The following SLC4A4 variants were observed in gnomAD, a reference collection of about 807,000 sequenced individuals.
SLC4A4 encodes the protein solute carrier family 4 member 4.
Under a neutral mutation model 111.5 loss-of-function variants are expected in SLC4A4, and 27 were observed. The ratio of observed to expected loss-of-function variants is 0.24; its 90% CI spans 0.18 to 0.33. The LOEUF is 0.33. SLC4A4 is among the 10% of genes least tolerant of loss of function. The pLI, the probability that SLC4A4 is intolerant of heterozygous loss-of-function variation, is 1.00. For missense variants in SLC4A4, 909 were observed against 1,315.5 expected (o/e 0.69, Z 4.78); for synonymous variants, 443 against 463.4 (o/e 0.96, Z 0.57).
At position 71,153,033 on chromosome 4, in the gene SLC4A4, G is replaced by GTGTATATATATATA. The variant is rs386400441; in HGVS notation, c.-2+60242_-2+60243insGTATATATATATAT. Among the ~76,000 whole-genome samples, 5 of 132,726 alleles carry GTGTATATATATATA rather than the reference G, an allele frequency of 3.8e-5. No homozygotes were observed. In the South Asian group the frequency reaches 9.5e-4, roughly 25 times the overall value. 87.1% of individuals were successfully genotyped at this position (132,726 alleles called of 152,430 possible). A position where few individuals can be genotyped will look rare whatever the true frequency, so the allele number is the denominator to read the frequency against. The stretch of plus-strand genomic sequence containing the variant: ...TGTATATATATAAATATATGTGTGT[G>GTGTATATATATATA]TATATATATATATATATATAAAAAT... On this transcript the variant is annotated intron_variant, in intron 2 of 26. Coordinates refer to the SLC4A4 transcript ENST00000649996.
intron 14 of SLC4A4, among the ~76,000 whole-genome samples, chr4:71,478,755 A>C (rs1160745177): frequency 1.3e-5 from 2 of 151,812 alleles, no homozygotes; most frequent in Non-Finnish European, 2.9e-5. Context: ...GTATAATGAT[A>C]ATAAAAAGAA....
intron 2 of SLC4A4, among the ~76,000 whole-genome samples, chr4:71,176,896 A>T (rs1410598605): frequency 6.6e-6 from 1 of 152,206 alleles, no homozygotes; most frequent in African/African-American, 2.4e-5. Flanking sequence ...CCAAAGTTGA[A>T]ATGAAGGAAA....
intron 16 of SLC4A4, among the ~76,000 whole-genome samples, chr4:71,527,999 G>A (rs1733574772): frequency 2.0e-5 from 3 of 152,032 alleles, no homozygotes; most frequent in African/African-American, 7.2e-5. Flanking sequence ...CAGCAAAGAA[G>A]AACTAGAGTA....
intron 7 of SLC4A4, among the ~76,000 whole-genome samples, chr4:71,429,352 C>G (rs187198427): frequency 6.6e-6 from 1 of 151,986 alleles, no homozygotes; most frequent in Non-Finnish European, 1.5e-5. Context: ...TCAGGTTAAG[C>G]GACCTCTTAT....
chr4:71,251,233 C>T (rs1041840082), intron 2 of SLC4A4, among the ~76,000 whole-genome samples: 1 of 152,160 alleles, frequency 6.6e-6, no homozygotes, highest in African/African-American at 2.4e-5. Flanking sequence ...TTTGTGAAAG[C>T]CACCTTAATT....
At chr4:71,250,933 A>G (rs189521260) in intron 2 of SLC4A4, among the ~76,000 whole-genome samples, 143 of 152,288 alleles carry the variant, frequency 9.4e-4, no homozygotes, top group Non-Finnish European at 8.2e-4. Context: ...TTGCACCTGT[A>G]CAATGGGGAT....
At chr4:71,288,686 A>G (rs989172053) in intron 3 of SLC4A4, among the ~76,000 whole-genome samples, 1 of 152,090 alleles carries the variant, frequency 6.6e-6, no homozygotes, top group Non-Finnish European at 1.5e-5. Flanking sequence ...GGCATGAACC[A>G]CTGTGCCTGG....
At chr4:71,346,050 T>C (rs988322243) in intron 4 of SLC4A4, among the ~76,000 whole-genome samples, 6 of 152,234 alleles carry the variant, frequency 3.9e-5, no homozygotes, top group South Asian at 2.1e-4. Flanking sequence ...TGTTTTCCAC[T>C]GTACAACTGA....
intron 20 of SLC4A4, among the ~76,000 whole-genome samples, chr4:71,549,969 A>G (rs571293835): frequency 1.3e-3 from 205 of 152,046 alleles, no homozygotes; most frequent in Non-Finnish European, 2.4e-3. Context: ...GAGATCAGTG[A>G]GCATGAGCTT....
At chr4:71,486,647 G>A (rs4390998) in intron 14 of SLC4A4, among the ~76,000 whole-genome samples, 82,662 of 150,118 alleles carry the variant, frequency 0.55, 26,341 homozygotes, top group Non-Finnish European at 0.73. Flanking sequence ...TGAGTACCTT[G>A]TAGTATCAGG....
At chr4:71,366,392 A>C (rs1003608311) in intron 6 of SLC4A4, among the ~76,000 whole-genome samples, 1 of 151,516 alleles carries the variant, frequency 6.6e-6, no homozygotes, top group Non-Finnish European at 1.5e-5. Flanking sequence ...ACACCTTCAC[A>C]TGAACAGATT....
intron 18 of SLC4A4, among the ~76,000 whole-genome samples, chr4:71,536,511 T>C (rs1734513879): frequency 7.1e-6 from 1 of 140,360 alleles, no homozygotes; most frequent in South Asian, 2.3e-4. Flanking sequence ...TATTTATTTA[T>C]TTTTAGACAG....
At position 71,447,484 on chromosome 4, in the gene SLC4A4, G is replaced by A. The variant is rs557893492; in HGVS notation, c.966-162G>A. The stretch of plus-strand genomic sequence containing the variant: ...AATGAACTGTGTTTTGCAATAGTGC[G>A]AAAGAGTATATTCTGTACTACCAAT... On this transcript the variant is annotated intron_variant, in intron 8 of 25. Coordinates refer to ENST00000264485, the MANE Select transcript of SLC4A4 (RefSeq NM_001098484.3). 5.9e-5 allele frequency among the ~76,000 whole-genome samples: 9 copies of A among 152,284 alleles called. No individual in the cohort carries two copies. The South Asian group carries it at 1.5e-3, about 25-fold the overall frequency.
At chr4:71,101,666 C>G (rs539123540) in intron 2 of SLC4A4, among the ~76,000 whole-genome samples, 2 of 152,282 alleles carry the variant, frequency 1.3e-5, no homozygotes, top group Admixed American at 6.5e-5. Context: ...GGCACACTGA[C>G]ATCTCACATG....
intron 3 of SLC4A4, among the ~76,000 whole-genome samples, chr4:71,315,736 T>C (rs917765646): frequency 6.6e-6 from 1 of 152,196 alleles, no homozygotes; most frequent in African/African-American, 2.4e-5. Flanking sequence ...CAGAGATATT[T>C]TGAGGCTGGG....
Position 71,537,245 on chromosome 4 carries a change from G to A in SLC4A4, c.2442+2857G>A, listed in dbSNP as rs1734585937. 2.2e-5 allele frequency among the ~76,000 whole-genome samples: 3 copies of A among 133,404 alleles called. 1 individual carries two copies. The Admixed American group carries it at 2.3e-4, about 10-fold the overall frequency. The allele number at this position is 133,404 out of a possible 152,430, so 87.5% of individuals were successfully genotyped here. A position where few individuals can be genotyped will look rare whatever the true frequency, so the allele number is the denominator to read the frequency against. ...TGCGTTTTCATGCTTCCCTCATATG[G>A]TGGTTATGAAAAGGTAATGAGTTAA... On this transcript the variant is annotated intron_variant, in intron 18 of 25. Transcript: ENST00000264485.
Position 71,560,206 on chromosome 4 carries a change from G to GAAGAAA in SLC4A4, c.3063_3068dup (p.Lys1023_Lys1024dup), listed in dbSNP as rs761247927. 8.7e-6 allele frequency: 14 copies of GAAGAAA among 1,610,528 alleles called. No homozygotes were observed. Among genetic ancestry groups the GAAGAAA allele is most frequent in the Non-Finnish European group, 1.1e-5 (13 of 1,177,804 alleles). On this transcript the variant is annotated inframe_insertion, in exon 23 of 26. Transcript: ENST00000264485. Reference sequence around the variant, plus strand: ...AGGACAAGAAAAAGAAGGAGGATGAGAAGAAAAAGAAAAAGAAGAAGGGAA... The same window carrying GAAGAAA: ...AGGACAAGAAAAAGAAGGAGGATGAGAAGAAAAAGAAAAAGAAAAAGAAGAAGGGAA...
chr4:71,314,413 C>T (rs947040233), intron 3 of SLC4A4, among the ~76,000 whole-genome samples: 5 of 152,182 alleles, frequency 3.3e-5, no homozygotes, highest in African/African-American at 9.7e-5. Context: ...AATCCCATTA[C>T]TGGGTATATA....
chr4:71,496,660 C>A (rs1265681151), intron 15 of SLC4A4, among the ~76,000 whole-genome samples: 1 of 151,890 alleles, frequency 6.6e-6, no homozygotes, highest in East Asian at 1.9e-4. Flanking sequence ...GGTGTGCTGG[C>A]CCTATCTACT....
Sources: gnomAD v4.1 joint callset for allele counts (sites outside exome capture counted in the v4.1 genomes callset) on GRCh38, gnomAD v4.1.1 for gene constraint, MANE v1.5 for transcripts, NCBI Gene and HGNC (gene_info 2026-07-23, HGNC 2026-07-21) for gene names.